RGS17: variants seen among roughly 807,000 people sequenced by gnomAD.
RGS17 encodes regulator of G protein signaling 17.
In RGS17, 12 loss-of-function variants were observed where a neutral mutation model predicts 25.5. That is an observed-to-expected ratio of 0.47 (90% CI 0.30 to 0.76). The LOEUF is 0.76. Ranked by LOEUF, RGS17 falls within the 30% of genes least tolerant of loss-of-function variation. The pLI, the probability that RGS17 is intolerant of heterozygous loss-of-function variation, is 0.07. For synonymous variants in RGS17, 71 were observed against 76.9 expected (o/e 0.92, Z 0.40); for missense variants, 196 against 242.2 (o/e 0.81, Z 1.27).
chr6:153,123,291 T>C (rs1584168936), intron 1 of RGS17, among the ~76,000 whole-genome samples: 1 of 152,082 alleles, frequency 6.6e-6, no homozygotes, highest in South Asian at 2.1e-4. Context: ...GTTCAAATCT[T>C]ACATTAGCAT....
At chr6:153,102,438 T>C (rs1329716620) in intron 1 of RGS17, among the ~76,000 whole-genome samples, 1 of 152,216 alleles carries the variant, frequency 6.6e-6, no homozygotes, top group African/African-American at 2.4e-5. Context: ...GAACTCTATA[T>C]ATTGATACAT....
chr6:153,032,657 G>GT (rs565575788), intron 2 of RGS17, among the ~76,000 whole-genome samples: 3 of 151,966 alleles, frequency 2.0e-5, no homozygotes, highest in Admixed American at 2.0e-4. Flanking sequence ...GAGTCATTCA[G>GT]TTTTTCGGTG....
At chr6:153,094,379 C>G (rs763615261) in intron 1 of RGS17, among the ~76,000 whole-genome samples, 1 of 152,012 alleles carries the variant, frequency 6.6e-6, no homozygotes, top group African/African-American at 2.4e-5. Flanking sequence ...TGCTCAGTGG[C>G]CTACTGAACT....
At chr6:153,054,607 C>T (rs929359856) in intron 1 of RGS17, among the ~76,000 whole-genome samples, 14 of 151,364 alleles carry the variant, frequency 9.2e-5, no homozygotes, top group African/African-American at 3.2e-4. Context: ...GCCGAGATCG[C>T]GCCACTGCAC....
intron 2 of RGS17, among the ~76,000 whole-genome samples, chr6:153,026,912 TG>T (rs1264340519): frequency 2.0e-5 from 3 of 152,120 alleles, no homozygotes; most frequent in Non-Finnish European, 4.4e-5. Context: ...TTAAACAAAA[TG>T]TCATTTTGAT....
At chr6:153,084,257 T>A (rs1464724862) in intron 1 of RGS17, among the ~76,000 whole-genome samples, 1 of 152,214 alleles carries the variant, frequency 6.6e-6, no homozygotes, top group African/African-American at 2.4e-5. Context: ...TGGGTCTTAC[T>A]CCTAGATGAT....
rs983492589 is a variant in RGS17 at position 153,113,103 on chromosome 6, T to A, written c.-26+18021A>T. Among the ~76,000 whole-genome samples, 8 of 152,124 alleles carry A rather than the reference T, an allele frequency of 5.3e-5. No individual in the cohort carries two copies. In the East Asian group the frequency reaches 9.7e-4, roughly 18 times the overall value. On this transcript the variant is annotated intron_variant, in intron 1 of 4. Transcript: ENST00000206262. ...TCTTAAAGGTAAATGGGCTAAATGC[T>A]CCATCCAATTAGAAGACACAGACTG...
At chr6:153,029,225 T>C (rs755119464) in intron 2 of RGS17, among the ~76,000 whole-genome samples, 1 of 152,210 alleles carries the variant, frequency 6.6e-6, no homozygotes, top group Non-Finnish European at 1.5e-5. Context: ...CCTGTAGAAA[T>C]TGAACTTTGG....
intron 1 of RGS17, among the ~76,000 whole-genome samples, chr6:153,080,391 C>T (rs1404392884): frequency 6.6e-6 from 1 of 152,092 alleles, no homozygotes; most frequent in Non-Finnish European, 1.5e-5. Context: ...ATTTATCGCG[C>T]TACCCTCCTC....
intron 1 of RGS17, among the ~76,000 whole-genome samples, chr6:153,077,040 T>C (rs904607911): frequency 6.6e-6 from 1 of 152,144 alleles, no homozygotes; most frequent in African/African-American, 2.4e-5. Flanking sequence ...AAAACATCAC[T>C]AATGAGGGAC....
intron 1 of RGS17, among the ~76,000 whole-genome samples, chr6:153,096,318 T>C (rs751751722): frequency 2.0e-5 from 3 of 152,240 alleles, no homozygotes; most frequent in Non-Finnish European, 2.9e-5. Flanking sequence ...CTGTGTAATA[T>C]AGAAATGTTA....
intron 1 of RGS17, among the ~76,000 whole-genome samples, chr6:153,113,607 C>T (rs2129125767): frequency 6.6e-6 from 1 of 152,260 alleles, no homozygotes; most frequent in East Asian, 1.9e-4. Flanking sequence ...AACTCTCCAC[C>T]CCAAATCAAC....
chr6:153,010,521 C>G lies in RGS17; in HGVS notation c.*1053G>C, dbSNP rs1442449309. 1 of 151,962 alleles carries G rather than the reference C, an allele frequency of 6.6e-6. No individual in the cohort carries two copies. The highest frequency in any genetic ancestry group is 1.5e-5 in the Non-Finnish European group (1 of 67,878). The allele number at this position is 151,962 out of a possible 1,614,324, so 9.4% of individuals were successfully genotyped here. ...TCTTCATAACCCTTATAAAACTTTT[C>G]CTGGTAAAAACTTAGCTTTTCATTG... On this transcript the variant is annotated 3_prime_UTR_variant, in exon 5 of 5. Transcript: ENST00000206262.
intron 2 of RGS17, among the ~76,000 whole-genome samples, chr6:153,034,286 C>T (rs1316841992): frequency 6.6e-6 from 1 of 152,164 alleles, no homozygotes; most frequent in Non-Finnish European, 1.5e-5. Context: ...AGTTACAACA[C>T]TCTGGGAATC....
rs1779120046 is a variant in RGS17 at position 153,010,554 on chromosome 6, CT to C, written c.*1019del. ...AAACTTAGCTTTTCATTGGATTTCACTTTCAAGGAAAATATGCCACAGGACA... is the reference window on the plus strand; with the variant it reads ...AAACTTAGCTTTTCATTGGATTTCACTTCAAGGAAAATATGCCACAGGACA... On this transcript the variant is annotated 3_prime_UTR_variant, in exon 5 of 5. Coordinates refer to ENST00000206262, the MANE Select transcript of RGS17 (RefSeq NM_012419.5). 2 of 152,030 alleles carry C rather than the reference CT, an allele frequency of 1.3e-5. No homozygotes were observed. Among genetic ancestry groups the C allele is most frequent in the Non-Finnish European group, 2.9e-5 (2 of 67,900 alleles). The allele number at this position is 152,030 out of a possible 1,614,324, so 9.4% of individuals were successfully genotyped here. A position where few individuals can be genotyped will look rare whatever the true frequency, so the allele number is the denominator to read the frequency against.
At chr6:153,063,095 A>G (rs1776661518) in intron 1 of RGS17, among the ~76,000 whole-genome samples, 1 of 152,202 alleles carries the variant, frequency 6.6e-6, no homozygotes, top group Non-Finnish European at 1.5e-5. Context: ...CCTGAGAAGG[A>G]TGGGTACAAA....
At chr6:153,123,621 T>C (rs550274669) in intron 1 of RGS17, among the ~76,000 whole-genome samples, 21 of 152,282 alleles carry the variant, frequency 1.4e-4, no homozygotes, top group African/African-American at 5.1e-4. Context: ...ATGTATTTAT[T>C]CTTCATCCAA....
intron 1 of RGS17, among the ~76,000 whole-genome samples, chr6:153,053,831 A>G (rs1405344424): frequency 6.7e-6 from 1 of 148,644 alleles, no homozygotes; most frequent in East Asian, 2.0e-4. Context: ...AAAGAAAAAT[A>G]GAGTTTTGGG....
At chr6:153,101,761 T>C (rs561298987) in intron 1 of RGS17, among the ~76,000 whole-genome samples, 1 of 146,788 alleles carries the variant, frequency 6.8e-6, no homozygotes, top group South Asian at 2.3e-4. Context: ...AAGATCTGGT[T>C]GTTTGAAAGT....
Sources: gnomAD v4.1 joint callset for allele counts (sites outside exome capture counted in the v4.1 genomes callset) on GRCh38, gnomAD v4.1.1 for gene constraint, MANE v1.5 for transcripts, NCBI Gene and HGNC (gene_info 2026-07-23, HGNC 2026-07-21) for gene names.